VWA8: variants seen among roughly 807,000 people sequenced by gnomAD.
The protein encoded by VWA8 is von Willebrand factor A domain-containing protein 8.
Under a neutral mutation model 241.5 loss-of-function variants are expected in VWA8, and 221 were observed. The ratio of observed to expected loss-of-function variants is 0.91; its 90% CI spans 0.82 to 1.02. The LOEUF (loss-of-function observed/expected upper bound fraction) is 1.02. VWA8 is among the 50% of genes least tolerant of loss of function. The pLI, the probability that VWA8 is intolerant of heterozygous loss-of-function variation, is 0.00. For synonymous variants in VWA8, 852 were observed against 827.1 expected, an observed-to-expected ratio of 1.03 and a Z score of -0.52; for missense variants, 2,322 against 2,328.7, an observed-to-expected ratio of 1.00 and a Z score of 0.06.
At chr13:41,772,770 G>A (rs1251992078) in intron 20 of VWA8, among the ~76,000 whole-genome samples, 1 of 152,142 alleles carries the variant, frequency 6.6e-6, no homozygotes, top group African/African-American at 2.4e-5. Flanking sequence ...TATGACAAGT[G>A]GTGCTTGTAT....
rs373906853 is a variant in VWA8 at position 41,615,052 on chromosome 13, T to G, written c.4644A>C (p.Val1548=). The change falls in exon 38 of 45, where the codon GTA becomes GTC. Residue 1548 remains valine, a synonymous_variant. Coordinates refer to ENST00000379310, the MANE Select transcript of VWA8 (RefSeq NM_015058.2). ...CCTCCTTCCCGTGTTTGGGGGAGCT[T>G]ACATCTTCACCACTGTCTCTGTTGA... The part of the protein sequence containing the change: ...ITINRDSGED[V]SSPKHGKEDP... 6.2e-7 allele frequency: 1 copy of G among 1,613,982 alleles called. No individual in the cohort carries two copies. The highest frequency in any genetic ancestry group is 1.1e-5 in the South Asian group (1 of 91,076).
At position 41,865,932 on chromosome 13, in the gene VWA8, C is replaced by T. The variant is rs1275438476; in HGVS notation, c.1317G>A (p.Met439Ile). The stretch of plus-strand genomic sequence containing the variant: ...CTCCAATTAAACATATATCTTTAAC[C>T]ATGTGAGACTGCATCATTTCAGCCT... ...QLQAEMMQSH[M>I]VKDICLIGGK... The change falls in exon 11 of 45, where the codon ATG becomes ATA. Residue 439 changes from methionine to isoleucine, a missense_variant. Coordinates refer to ENST00000379310, the MANE Select transcript of VWA8 (RefSeq NM_015058.2). The T allele has an allele frequency of 3.7e-6, 6 of 1,614,044 alleles. No homozygotes were observed. Among genetic ancestry groups the T allele is most frequent in the Non-Finnish European group, 5.1e-6 (6 of 1,180,040 alleles).
intron 37 of VWA8, among the ~76,000 whole-genome samples, chr13:41,616,246 T>A (rs1483225391): frequency 6.6e-6 from 1 of 152,194 alleles, no homozygotes; most frequent in Admixed American, 6.5e-5. Flanking sequence ...ACTTCTACTG[T>A]CTTACGTCCA....
chr13:41,884,001 C>A (rs1439939270), intron 8 of VWA8, among the ~76,000 whole-genome samples: 2 of 152,182 alleles, frequency 1.3e-5, no homozygotes, highest in South Asian at 4.1e-4. Flanking sequence ...ATTCTGTTCA[C>A]CCCACTTTAA....
At chr13:41,724,848 C>T (rs1318146038) in intron 24 of VWA8, among the ~76,000 whole-genome samples, 1 of 152,110 alleles carries the variant, frequency 6.6e-6, no homozygotes, top group Non-Finnish European at 1.5e-5. Context: ...AAAAGAAATT[C>T]ATGCAGCAGT....
At chr13:41,881,855 G>A (rs1211991475) in intron 9 of VWA8, among the ~76,000 whole-genome samples, 1 of 145,780 alleles carries the variant, frequency 6.9e-6, no homozygotes, top group Non-Finnish European at 1.5e-5. Context: ...CGGGCGGGGG[G>A]CTGACCCCCC....
intron 37 of VWA8, among the ~76,000 whole-genome samples, chr13:41,627,406 C>T (rs935878126): frequency 7.2e-5 from 11 of 152,128 alleles, no homozygotes; most frequent in Non-Finnish European, 1.3e-4. Flanking sequence ...CACCCTCCAC[C>T]GTTAACATAT....
chr13:41,903,362 A>G (rs1324625648), intron 4 of VWA8, among the ~76,000 whole-genome samples: 1 of 152,178 alleles, frequency 6.6e-6, no homozygotes, highest in Non-Finnish European at 1.5e-5. Flanking sequence ...TGTTCCAGAC[A>G]GTTTTTAGGT....
At chr13:41,690,384 A>G in intron 32 of VWA8, 109 bp from the exon 33 acceptor site, 21 of 897,398 alleles carry the variant, frequency 2.3e-5, no homozygotes, top group Non-Finnish European at 3.4e-5. Context: ...TTATAGTTCC[A>G]GTATAATTTG....
chr13:41,794,474 C>G (rs150972351), intron 17 of VWA8, among the ~76,000 whole-genome samples: 1 of 152,312 alleles, frequency 6.6e-6, no homozygotes, highest in Non-Finnish European at 1.5e-5. Flanking sequence ...TGATTTTACA[C>G]ATTGATTTTG....
At chr13:41,635,713 A>G (rs1019163358) in intron 37 of VWA8, among the ~76,000 whole-genome samples, 3 of 152,266 alleles carry the variant, frequency 2.0e-5, no homozygotes, top group Middle Eastern at 3.4e-3. Flanking sequence ...ACAATATGGT[A>G]GTGGAGCAAA....
chr13:41,660,113 C>CT (rs954076632), intron 37 of VWA8, among the ~76,000 whole-genome samples: 46 of 149,520 alleles, frequency 3.1e-4, no homozygotes, highest in African/African-American at 8.6e-4. Context: ...GATGATCACT[C>CT]TTTTTTTTTT....
At chr13:41,862,953 C>T (rs145839920) in intron 12 of VWA8, among the ~76,000 whole-genome samples, 2 of 152,272 alleles carry the variant, frequency 1.3e-5, no homozygotes, top group East Asian at 3.9e-4. Flanking sequence ...ATAAACTGTT[C>T]TACACATATG....
At chr13:41,761,289 A>G in intron 20 of VWA8, 85 bp from the exon 21 acceptor site, 1 of 1,328,710 alleles carries the variant, frequency 7.5e-7, no homozygotes, top group Middle Eastern at 1.9e-4. Context: ...CTTTTACCAA[A>G]ACCTGCTTTC....
intron 15 of VWA8, among the ~76,000 whole-genome samples, chr13:41,819,006 G>A (rs1335541336): frequency 1.3e-5 from 2 of 152,102 alleles, no homozygotes; most frequent in Non-Finnish European, 1.5e-5. Flanking sequence ...TATGGAGATG[G>A]AGCCCAGAAA....
chr13:41,959,149 A>T (rs954710239), intron 1 of VWA8, among the ~76,000 whole-genome samples: 1 of 151,706 alleles, frequency 6.6e-6, no homozygotes, highest in Non-Finnish European at 1.5e-5. Context: ...TACTAAGAAT[A>T]AAAAAGCTAA....
intron 12 of VWA8, among the ~76,000 whole-genome samples, chr13:41,861,541 A>T (rs923843819): frequency 6.6e-6 from 1 of 152,152 alleles, no homozygotes. Context: ...TCTACACCTA[A>T]AAAACCCTAT....
At chr13:41,791,124 T>TAAAA (rs1555335986) in intron 17 of VWA8, among the ~76,000 whole-genome samples, 2 of 151,418 alleles carry the variant, frequency 1.3e-5, no homozygotes, top group African/African-American at 2.4e-5. Flanking sequence ...GTTTTTTTTT[T>TAAAA]AAAAAAACAA....
intron 35 of VWA8, among the ~76,000 whole-genome samples, chr13:41,682,909 T>A (rs1348534479): frequency 1.3e-5 from 2 of 152,168 alleles, no homozygotes. Flanking sequence ...ATTAAAATCA[T>A]AATGAGAAAT....
Sources: allele counts gnomAD v4.1 joint callset (sites outside exome capture counted in the v4.1 genomes callset), GRCh38; gene constraint gnomAD v4.1.1; transcripts MANE v1.5; gene names NCBI Gene and HGNC (gene_info 2026-07-23, HGNC 2026-07-21).